Variants in PRKN observed in about 807,000 individuals in gnomAD.
PRKN encodes parkin RBR E3 ubiquitin protein ligase, also known as E3 ubiquitin-protein ligase parkin.
PRKN carries 56 observed loss-of-function variants against 59.5 expected under a neutral mutation model. That is an observed-to-expected ratio of 0.94 (90% CI 0.76 to 1.18). The LOEUF is 1.18. Among genes scored for constraint, PRKN ranks in the 50% most tolerant of loss-of-function variants. The pLI, the probability that PRKN is intolerant of heterozygous loss-of-function variation, is 0.00. For missense variants in PRKN, 657 were observed against 596.4 expected (o/e 1.10, Z -1.06); for synonymous variants, 250 against 222.1 (o/e 1.13, Z -1.12).
At chr6:162,012,664 A>G (rs530595614) in intron 5 of PRKN, among the ~76,000 whole-genome samples, 6 of 152,156 alleles carry the variant, frequency 3.9e-5, no homozygotes, top group Non-Finnish European at 5.9e-5. Flanking sequence ...TGAACCAATT[A>G]TATCTGTAAC....
At chr6:162,524,888 A>G (rs1396194887) in intron 1 of PRKN, among the ~76,000 whole-genome samples, 1 of 152,150 alleles carries the variant, frequency 6.6e-6, no homozygotes, top group Non-Finnish European at 1.5e-5. Context: ...AGGTTATAAG[A>G]CTGAAGTCAA....
At position 161,946,414 on chromosome 6, in the gene PRKN, A is replaced by ACACACACT. The variant is rs1247187053; in HGVS notation, c.734+26887_734+26888insAGTGTGTG. ...CACACACACACACACACACACACAC[A>ACACACACT]CTCTCTCTCTCTCTCTCTCTCTCTC... On this transcript the variant is annotated intron_variant, in intron 6 of 11. Coordinates refer to ENST00000366898, the MANE Select transcript of PRKN (RefSeq NM_004562.3). 3.6e-3 allele frequency among the ~76,000 whole-genome samples: 412 copies of ACACACACT among 114,422 alleles called. 2 individuals carry two copies. Among genetic ancestry groups the ACACACACT allele is most frequent in the African/African-American group, 0.014 (385 of 27,056 alleles). 75.1% of individuals were successfully genotyped at this position (114,422 alleles called of 152,430 possible).
rs1781778742 is a variant in PRKN, at chr6:161,592,990, A to G, written c.872-23574T>C. ...TCATAGCCTTCATATTTTAGAAGGC[A>G]TTCTACATTATAATAATGTGAGATT... On this transcript the variant is annotated intron_variant, in intron 7 of 11. Transcript: ENST00000366898. This position sits in a 1 kb window ranked among gnomAD's most constrained non-coding sequence, Gnocchi z 4.8. Among the ~76,000 whole-genome samples the G allele has an allele frequency of 6.6e-6, 1 of 152,218 alleles. No individual in the cohort carries two copies. Among genetic ancestry groups the G allele is most frequent in the African/African-American group, 2.4e-5 (1 of 41,466 alleles).
chr6:161,958,878 C>T (rs1428817570), intron 6 of PRKN, among the ~76,000 whole-genome samples: 1 of 126,898 alleles, frequency 7.9e-6, no homozygotes, highest in Non-Finnish European at 1.7e-5. Context: ...GAAACTCCAT[C>T]TCAAAAAAAA....
chr6:161,513,453 G>A (rs1778469970), intron 9 of PRKN, among the ~76,000 whole-genome samples: 2 of 95,542 alleles, frequency 2.1e-5, no homozygotes, highest in African/African-American at 9.0e-5. Flanking sequence ...TGTTAGCCAG[G>A]ATGGTCTCGA....
chr6:161,445,635 G>A lies in PRKN; in HGVS notation c.1084-58758C>T, dbSNP rs959353524. ...ATCCACCCGTGCTGCAGCTGAATGGGATCGGTGCAGCATGATAGAGGCCAG... is the reference window on the plus strand; with the variant it reads ...ATCCACCCGTGCTGCAGCTGAATGGAATCGGTGCAGCATGATAGAGGCCAG... On this transcript the variant is annotated intron_variant, in intron 9 of 11. Coordinates refer to ENST00000366898, the MANE Select transcript of PRKN (RefSeq NM_004562.3). This position sits in a 1 kb window ranked among gnomAD's most constrained non-coding sequence, Gnocchi z 7.7. Among the ~76,000 whole-genome samples, 1 of 152,198 alleles carries A rather than the reference G, an allele frequency of 6.6e-6. No individual in the cohort carries two copies. The highest frequency in any genetic ancestry group is 2.4e-5 in the African/African-American group (1 of 41,446).
At position 161,458,979 on chromosome 6, in the gene PRKN, G is replaced by A. The variant is rs191668507; in HGVS notation, c.1084-72102C>T. On this transcript the variant is annotated intron_variant, in intron 9 of 11. Transcript: ENST00000366898. This position sits in a 1 kb window ranked among gnomAD's most constrained non-coding sequence, Gnocchi z 6.1. ...AGCCTCAAATCCCTTCATCTTATCT[G>A]GAGGGAAGACAGGAATGAAAACCAT... is the stretch of plus-strand genomic sequence containing the variant. Among the ~76,000 whole-genome samples the A allele has an allele frequency of 1.3e-5, 2 of 151,874 alleles. No homozygotes were observed. The highest frequency in any genetic ancestry group is 3.9e-4 in the East Asian group (2 of 5,154).
intron 4 of PRKN, among the ~76,000 whole-genome samples, chr6:162,147,298 G>A (rs1364430989): frequency 2.8e-5 from 4 of 144,538 alleles, no homozygotes. Flanking sequence ...AGCCAAGATT[G>A]TGCCACTGTA....
intron 2 of PRKN, among the ~76,000 whole-genome samples, chr6:162,316,707 T>A (rs889393171): frequency 1.3e-5 from 2 of 152,062 alleles, no homozygotes; most frequent in Non-Finnish European, 2.9e-5. Flanking sequence ...TGAGCACTAT[T>A]AAGCGCCAAT....
chr6:162,397,730 C>T (rs976621193), intron 2 of PRKN, among the ~76,000 whole-genome samples: 1 of 152,118 alleles, frequency 6.6e-6, no homozygotes, highest in Admixed American at 6.6e-5. Context: ...GAAGAGCACA[C>T]TCGGCAGTAG....
intron 1 of PRKN, among the ~76,000 whole-genome samples, chr6:162,462,093 T>C (rs1486610626): frequency 2.6e-5 from 4 of 152,172 alleles, no homozygotes; most frequent in East Asian, 1.9e-4. Flanking sequence ...CAGAGTCTTA[T>C]ATAACTGTGA....
intron 9 of PRKN, among the ~76,000 whole-genome samples, chr6:161,453,737 CCCTT>C (rs766279491): frequency 2.2e-5 from 3 of 133,618 alleles, no homozygotes; most frequent in Non-Finnish European, 3.2e-5. Flanking sequence ...CTCCCTCCCT[CCCTT>C]CCTTCCTCCC....
intron 6 of PRKN, among the ~76,000 whole-genome samples, chr6:161,893,970 G>A (rs540654256): frequency 6.6e-6 from 1 of 152,256 alleles, no homozygotes; most frequent in East Asian, 1.9e-4. Context: ...ATTTTTGAAT[G>A]AACAAACATA....
chr6:161,514,798 C>T (rs78759043), intron 9 of PRKN, among the ~76,000 whole-genome samples: 19,275 of 151,998 alleles, frequency 0.13, 2,025 homozygotes, highest in African/African-American at 0.29. Context: ...AGGAGGACTG[C>T]GGGGAGGCCA....
intron 7 of PRKN, among the ~76,000 whole-genome samples, chr6:161,703,617 C>T (rs915225366): frequency 5.3e-5 from 8 of 152,150 alleles, no homozygotes; most frequent in African/African-American, 1.9e-4. Context: ...AGGCTTAGCT[C>T]TCATGTTGAC....
chr6:161,917,874 C>T (rs1245841967), intron 6 of PRKN, among the ~76,000 whole-genome samples: 1 of 152,168 alleles, frequency 6.6e-6, no homozygotes, highest in Non-Finnish European at 1.5e-5. Context: ...GAGATGCAGG[C>T]TTCGCTGATC....
intron 4 of PRKN, among the ~76,000 whole-genome samples, chr6:162,076,682 G>C (rs1778842540): frequency 6.6e-6 from 1 of 152,088 alleles, no homozygotes; most frequent in Non-Finnish European, 1.5e-5. Context: ...AACGTTTTAA[G>C]TTTCTCACAG....
chr6:162,067,378 A>G (rs1582983056), intron 4 of PRKN, among the ~76,000 whole-genome samples: 1 of 152,240 alleles, frequency 6.6e-6, no homozygotes, highest in East Asian at 1.9e-4. Context: ...TCTATGATCT[A>G]AGAAACCAAC....
In PRKN at chr6:162,409,233, T is replaced by C. The variant is rs565264386; in HGVS notation, c.171+34077A>G. Among the ~76,000 whole-genome samples, 5 of 151,918 alleles carry C rather than the reference T, an allele frequency of 3.3e-5. 1 individual carries two copies. Among genetic ancestry groups the C allele is most frequent in the Admixed American group, 3.3e-4 (5 of 15,242 alleles). On this transcript the variant is annotated intron_variant, in intron 2 of 11. Coordinates refer to ENST00000366898, the MANE Select transcript of PRKN (RefSeq NM_004562.3). ...AGGCTGGAGTGCAGTGGCACAATCATAACTCATGACAGCCTCAAACTCCTG... is the reference window on the plus strand; with the variant it reads ...AGGCTGGAGTGCAGTGGCACAATCACAACTCATGACAGCCTCAAACTCCTG...
Sources: gnomAD v4.1 joint callset for allele counts (sites outside exome capture counted in the v4.1 genomes callset) on GRCh38, gnomAD v4.1.1 for gene constraint, Gnocchi (gnomAD v3.1) non-coding constraint, MANE v1.5 for transcripts, NCBI Gene and HGNC (gene_info 2026-07-23, HGNC 2026-07-21) for gene names.